TGFA: variants seen among roughly 807,000 people sequenced by gnomAD.
TGFA encodes protransforming growth factor alpha.
In TGFA, 12 loss-of-function variants were observed where a neutral mutation model predicts 21.7. The observed-to-expected ratio is 0.55, with a 90% CI of 0.35 to 0.90. The LOEUF (loss-of-function observed/expected upper bound fraction) is 0.90, where lower values mean the gene tolerates loss of function less well. TGFA is among the 40% of genes least tolerant of loss of function. The pLI is 0.01. For missense variants in TGFA, 178 were observed against 210.8 expected (o/e 0.84, Z 0.96); for synonymous variants, 79 against 88.1 (o/e 0.90, Z 0.58).
intron 3 of TGFA, among the ~76,000 whole-genome samples, chr2:70,459,177 A>G (rs1670334890): frequency 6.6e-6 from 1 of 152,186 alleles, no homozygotes; most frequent in Admixed American, 6.5e-5. Context: ...CTAGCACCTC[A>G]CCTATTATTT....
chr2:70,530,930 C>T (rs530529808), intron 1 of TGFA, among the ~76,000 whole-genome samples: 2 of 152,360 alleles, frequency 1.3e-5, no homozygotes, highest in East Asian at 1.9e-4. Context: ...ACCTCTGCAG[C>T]AATCCCTGAG....
intron 2 of TGFA, among the ~76,000 whole-genome samples, chr2:70,487,124 T>G (rs184024426): frequency 1.3e-5 from 2 of 152,304 alleles, no homozygotes; most frequent in African/African-American, 4.8e-5. Flanking sequence ...GAGAGAAAAC[T>G]TGAGAGAACA....
At chr2:70,503,579 T>TTA (rs1671805709) in intron 2 of TGFA, among the ~76,000 whole-genome samples, 1 of 134,462 alleles carries the variant, frequency 7.4e-6, no homozygotes, top group Non-Finnish European at 1.6e-5. Flanking sequence ...ATAATAATAA[T>TTA]AATAAAAAAA....
At chr2:70,481,584 C>A (rs918290688) in intron 2 of TGFA, among the ~76,000 whole-genome samples, 5 of 152,068 alleles carry the variant, frequency 3.3e-5, no homozygotes, top group African/African-American at 9.7e-5. Context: ...ATGATCCCTA[C>A]CTCCTGGTAT....
chr2:70,508,626 T>C (rs1672003820), intron 2 of TGFA, among the ~76,000 whole-genome samples: 1 of 152,216 alleles, frequency 6.6e-6, no homozygotes, highest in Non-Finnish European at 1.5e-5. Context: ...AATGCCAATA[T>C]ATGAATCTAT....
Position 70,521,609 on chromosome 2 carries a change from G to GTTGGTT in TGFA, c.41-6698_41-6697insAACCAA, listed in dbSNP as rs1432347684. The stretch of plus-strand genomic sequence containing the variant: ...ACTATTGATAGTTTTTTTTGTTGTT[G>GTTGGTT]TTTGTTTGTTTTTTTTTTTTTTTTT... On this transcript the variant is annotated intron_variant, in intron 1 of 5. Transcript: ENST00000295400. Among the ~76,000 whole-genome samples, 71 of 78,864 alleles carry GTTGGTT rather than the reference G, an allele frequency of 9.0e-4. 2 individuals are homozygous for GTTGGTT. Among genetic ancestry groups the GTTGGTT allele is most frequent in the African/African-American group, 3.4e-3 (69 of 20,180 alleles). 51.7% of individuals were successfully genotyped at this position (78,864 alleles called of 152,430 possible). A position where few individuals can be genotyped will look rare whatever the true frequency, so the allele number is the denominator to read the frequency against.
At chr2:70,503,470 T>A (rs1553499513) in intron 2 of TGFA, among the ~76,000 whole-genome samples, 1 of 151,104 alleles carries the variant, frequency 6.6e-6, no homozygotes, top group Non-Finnish European at 1.5e-5. Context: ...ATATACCTAA[T>A]GTAAATGACG....
chr2:70,529,730 G>C lies in TGFA; in HGVS notation c.41-14818C>G, dbSNP rs1574137176. Among the ~76,000 whole-genome samples, 2 of 152,206 alleles carry C rather than the reference G, an allele frequency of 1.3e-5. 1 individual carries two copies. The highest frequency in any genetic ancestry group is 1.3e-4 in the Admixed American group (2 of 15,282). ...CCTGGACTTTATTCCAAGCTGGGCA[G>C]CCCCTGGAAGACTTTGAGCAGAGGA... is the stretch of plus-strand genomic sequence containing the variant. On this transcript the variant is annotated intron_variant, in intron 1 of 5. Transcript: ENST00000295400.
chr2:70,515,738 T>C (rs557656132), intron 1 of TGFA, among the ~76,000 whole-genome samples: 2 of 152,144 alleles, frequency 1.3e-5, no homozygotes, highest in East Asian at 3.9e-4. Context: ...TGAGATGCCA[T>C]GTACTTAACC....
intron 2 of TGFA, 76 bp downstream of exon 2, chr2:70,514,783 C>T (rs1672216674): frequency 6.0e-6 from 9 of 1,499,420 alleles, no homozygotes; most frequent in Non-Finnish European, 8.3e-6. Context: ...AGGGAGGGAG[C>T]TCTTGAGGAG....
intron 2 of TGFA, chr2:70,467,626 AT>A (rs1553492532): frequency 6.6e-6 from 1 of 151,662 alleles, no homozygotes; most frequent in Non-Finnish European, 1.5e-5. Context: ...TATTTTGGGT[AT>A]TTCAGGAGTG....
At chr2:70,506,739 G>A (rs542619754) in intron 2 of TGFA, among the ~76,000 whole-genome samples, 2 of 152,126 alleles carry the variant, frequency 1.3e-5, no homozygotes, top group Non-Finnish European at 1.5e-5. Flanking sequence ...CATTCTACAG[G>A]CAAGGAAGCC....
Position 70,448,850 on chromosome 2 carries a change from C to CTCAAG in TGFA, c.*2004_*2008dup, listed in dbSNP as rs1449193666. 1 of 152,216 alleles carries CTCAAG rather than the reference C, an allele frequency of 6.6e-6. No individual in the cohort carries two copies. Among genetic ancestry groups the CTCAAG allele is most frequent in the Non-Finnish European group, 1.5e-5 (1 of 68,044 alleles). 9.4% of individuals were successfully genotyped at this position (152,216 alleles called of 1,614,324 possible). A position where few individuals can be genotyped will look rare whatever the true frequency, so the allele number is the denominator to read the frequency against. The stretch of plus-strand genomic sequence containing the variant: ...ACTAGAACATTCACAGACACTAAAT[C>CTCAAG]TCAAGTCTTCGCAGGGAACCTCTGC... On this transcript the variant is annotated 3_prime_UTR_variant, in exon 6 of 6. Coordinates refer to ENST00000295400, the MANE Select transcript of TGFA (RefSeq NM_003236.4).
chr2:70,522,110 G>A (rs561388113), intron 1 of TGFA, among the ~76,000 whole-genome samples: 8 of 152,258 alleles, frequency 5.3e-5, no homozygotes, highest in Middle Eastern at 3.4e-3. Context: ...TCTCTAGTGC[G>A]GTCAGGAGCT....
chr2:70,497,001 C>T (rs1574104011), intron 2 of TGFA, among the ~76,000 whole-genome samples: 1 of 152,164 alleles, frequency 6.6e-6, no homozygotes, highest in East Asian at 1.9e-4. Flanking sequence ...ATCTGAGACC[C>T]GAAGGACATG....
intron 2 of TGFA, among the ~76,000 whole-genome samples, chr2:70,480,320 G>A (rs1671074676): frequency 6.6e-6 from 1 of 152,154 alleles, no homozygotes; most frequent in African/African-American, 2.4e-5. Context: ...GGCCTTCCAA[G>A]GTTGGGCTGT....
intron 4 of TGFA, 128 bp downstream of exon 4, chr2:70,456,211 T>C: frequency 7.7e-7 from 1 of 1,293,430 alleles, no homozygotes. Flanking sequence ...CATTTAGCTT[T>C]CCTGACAGCA....
intron 3 of TGFA, among the ~76,000 whole-genome samples, chr2:70,460,362 G>A (rs571684419): frequency 7.4e-6 from 1 of 135,612 alleles, no homozygotes; most frequent in South Asian, 2.4e-4. Flanking sequence ...AAAGAAAAAG[G>A]TTTGGTGACA....
intron 1 of TGFA, among the ~76,000 whole-genome samples, chr2:70,550,035 TAGAGA>T: frequency 6.6e-6 from 1 of 152,278 alleles, no homozygotes; most frequent in Middle Eastern, 3.4e-3. Flanking sequence ...GTCCAGGTAA[TAGAGA>T]AAAGAAACGT....
Sources: gnomAD v4.1 joint callset for allele counts (sites outside exome capture counted in the v4.1 genomes callset) on GRCh38, gnomAD v4.1.1 for gene constraint, MANE v1.5 for transcripts, NCBI Gene and HGNC (gene_info 2026-07-23, HGNC 2026-07-21) for gene names.